The following NFATC3 variants were observed in gnomAD, a reference collection of about 807,000 sequenced individuals.
The protein encoded by NFATC3 is nuclear factor of activated T-cells, cytoplasmic 3.
NFATC3 carries 46 observed loss-of-function variants against 98.6 expected under a neutral mutation model. The ratio of observed to expected loss-of-function variants is 0.47; its 90% CI spans 0.37 to 0.60. NFATC3 has a LOEUF of 0.60. NFATC3 is among the 20% of genes least tolerant of loss of function. The pLI is 0.00. For missense variants in NFATC3, 1,256 were observed against 1,295.5 expected (o/e 0.97, Z 0.47); for synonymous variants, 512 against 472.2 (o/e 1.08, Z -1.09).
At chr16:68,184,673 G>A (rs537524567) in intron 8 of NFATC3, among the ~76,000 whole-genome samples, 5 of 152,012 alleles carry the variant, frequency 3.3e-5, no homozygotes, top group East Asian at 1.9e-4. Flanking sequence ...GCGTGGTGGC[G>A]GGCGCCTGTA....
intron 7 of NFATC3, 80 bp from the exon 8 acceptor site, chr16:68,183,160 A>T: frequency 7.1e-7 from 1 of 1,408,864 alleles, no homozygotes; most frequent in South Asian, 1.4e-5. Context: ...TGTAGTTAAG[A>T]CTCATGAGTT....
At chr16:68,159,475 G>A (rs999520025) in intron 4 of NFATC3, among the ~76,000 whole-genome samples, 9 of 149,524 alleles carry the variant, frequency 6.0e-5, no homozygotes, top group African/African-American at 2.2e-4. Flanking sequence ...CCAGGTTGGA[G>A]TGCAGTGGTG....
intron 1 of NFATC3, among the ~76,000 whole-genome samples, chr16:68,092,037 T>C (rs1464438797): frequency 6.6e-6 from 1 of 152,234 alleles, no homozygotes; most frequent in African/African-American, 2.4e-5. Flanking sequence ...TACGTAATTA[T>C]ATTGTATGAC....
chr16:68,098,273 A>ATTG, intron 1 of NFATC3, among the ~76,000 whole-genome samples: 1 of 114,962 alleles, frequency 8.7e-6, no homozygotes, highest in South Asian at 2.7e-4. Flanking sequence ...CTTTTTGTCT[A>ATTG]TTATTATTAT....
chr16:68,110,798 T>C (rs1281410739), intron 1 of NFATC3, among the ~76,000 whole-genome samples: 2 of 152,224 alleles, frequency 1.3e-5, no homozygotes, highest in Non-Finnish European at 2.9e-5. Flanking sequence ...TTTAGTGCTA[T>C]AAATTTCCCT....
chr16:68,208,636 A>G (rs2041247507), intron 9 of NFATC3, among the ~76,000 whole-genome samples: 1 of 152,128 alleles, frequency 6.6e-6, no homozygotes, highest in Non-Finnish European at 1.5e-5. Context: ...GGACTGAGGC[A>G]GGAGAATCGC....
At chr16:68,219,306 C>A (rs2041763884) in intron 9 of NFATC3, among the ~76,000 whole-genome samples, 1 of 151,958 alleles carries the variant, frequency 6.6e-6, no homozygotes, top group Non-Finnish European at 1.5e-5. Flanking sequence ...TTGCTTGAAC[C>A]CGGGAGGCGG....
intron 9 of NFATC3, among the ~76,000 whole-genome samples, chr16:68,207,005 T>TAAA (rs559629801): frequency 2.7e-5 from 3 of 111,298 alleles, no homozygotes; most frequent in Admixed American, 9.6e-5. Flanking sequence ...GCATACATAT[T>TAAA]AAAAAAAAAA....
intron 1 of NFATC3, among the ~76,000 whole-genome samples, chr16:68,110,666 C>T (rs1383394266): frequency 6.6e-6 from 1 of 151,786 alleles, no homozygotes; most frequent in East Asian, 1.9e-4. Context: ...CAGTTCTGCT[C>T]TGATCTTGGT....
At chr16:68,192,230 A>AAAAATATATATAT (rs1555522047) in intron 9 of NFATC3, 7 of 82,600 alleles carry the variant, frequency 8.5e-5, no homozygotes, top group African/African-American at 2.9e-4. Flanking sequence ...AAAAAAAAAA[A>AAAAATATATATAT]ATATATATAT....
chr16:68,099,869 C>T (rs1186995535), intron 1 of NFATC3, among the ~76,000 whole-genome samples: 1 of 152,038 alleles, frequency 6.6e-6, no homozygotes, highest in East Asian at 1.9e-4. Flanking sequence ...AGTACAGTGG[C>T]ATGATTATGC....
rs989238859 is a variant in NFATC3 at position 68,159,674 on chromosome 16, C to T, written c.1601+1606C>T. Reference sequence around the variant, plus strand: ...TCCTGACCTCGTGATCCACCCACCTCGGCCTCCTGAAGTGCTGGGATTACA... The same window carrying T: ...TCCTGACCTCGTGATCCACCCACCTTGGCCTCCTGAAGTGCTGGGATTACA... On this transcript the variant is annotated intron_variant, in intron 4 of 9. Coordinates refer to ENST00000346183, the MANE Select transcript of NFATC3 (RefSeq NM_173165.3). Among the ~76,000 whole-genome samples, 7 of 151,812 alleles carry T rather than the reference C, an allele frequency of 4.6e-5. No individual in the cohort carries two copies. In the East Asian group the frequency reaches 5.9e-4, roughly 13 times the overall value.
intron 9 of NFATC3, among the ~76,000 whole-genome samples, chr16:68,214,757 A>G (rs2041566191): frequency 6.6e-6 from 1 of 152,220 alleles, no homozygotes; most frequent in African/African-American, 2.4e-5. Flanking sequence ...GTTGCTGATC[A>G]GGTATGTAAG....
intron 3 of NFATC3, among the ~76,000 whole-genome samples, chr16:68,147,639 A>G (rs2038102275): frequency 6.6e-6 from 1 of 152,120 alleles, no homozygotes. Flanking sequence ...AATTTGTTAA[A>G]TTTATGATTA....
chr16:68,116,453 T>C (rs973829365), intron 1 of NFATC3, among the ~76,000 whole-genome samples: 1 of 152,166 alleles, frequency 6.6e-6, no homozygotes, highest in Non-Finnish European at 1.5e-5. Flanking sequence ...TGAAGGAACA[T>C]GGAACAAGTA....
rs376537616 is a variant in NFATC3 at position 68,122,772 on chromosome 16, C to G, written c.889C>G (p.Pro297Ala). Residue 297 changes from proline to alanine, a missense_variant, in exon 2 of 10, where the codon CCT (proline) becomes GCT (alanine). By Grantham distance (27) the Pro-to-Ala change is conservative. Transcript: ENST00000346183. ...LSPHHSPVPS[P>A]GHSPRGSVTE... ...ACCCCATCACTCACCTGTTCCTTCA[C>G]CTGGTCACTCCCCCAGGGGAAGTGT... 1.2e-6 allele frequency: 2 copies of G among 1,614,136 alleles called. No homozygotes were observed. Among genetic ancestry groups the G allele is most frequent in the Non-Finnish European group, 8.5e-7 (1 of 1,180,054 alleles).
intron 3 of NFATC3, among the ~76,000 whole-genome samples, chr16:68,143,810 C>T (rs1369639613): frequency 6.6e-6 from 1 of 152,106 alleles, no homozygotes; most frequent in Non-Finnish European, 1.5e-5. Flanking sequence ...TGCTATCACA[C>T]CACTGCACTC....
chr16:68,112,306 C>G (rs1212862710), intron 1 of NFATC3, among the ~76,000 whole-genome samples: 1 of 102,482 alleles, frequency 9.8e-6, no homozygotes, highest in East Asian at 3.2e-4. Flanking sequence ...GAGATGGAGT[C>G]TTGCTGTGTT....
chr16:68,144,606 A>G (rs1402887364), intron 3 of NFATC3, among the ~76,000 whole-genome samples: 1 of 152,052 alleles, frequency 6.6e-6, no homozygotes, highest in Non-Finnish European at 1.5e-5. Flanking sequence ...TGCCCTCCTA[A>G]AGTGCTGAGA....
Sources: gnomAD v4.1 joint callset for allele counts (sites outside exome capture counted in the v4.1 genomes callset) on GRCh38, gnomAD v4.1.1 for gene constraint, MANE v1.5 for transcripts, NCBI Gene and HGNC (gene_info 2026-07-23, HGNC 2026-07-21) for gene names.